Variants in AQR observed in about 807,000 individuals in gnomAD.
AQR encodes RNA helicase aquarius.
AQR carries 61 observed loss-of-function variants against 180.5 expected under a neutral mutation model. The ratio of observed to expected loss-of-function variants is 0.34; its 90% CI spans 0.28 to 0.42. The LOEUF (loss-of-function observed/expected upper bound fraction) is 0.42, where lower values mean the gene tolerates loss of function less well. AQR is among the 10% of genes least tolerant of loss of function. The probability of loss-of-function intolerance (pLI) is 1.00; values close to 1 mark genes in which losing one functional copy is unlikely to be tolerated. For missense variants in AQR, 1,281 were observed against 1,798.3 expected, an observed-to-expected ratio of 0.71 and a Z score of 5.20; for synonymous variants, 551 against 588.8, an observed-to-expected ratio of 0.94 and a Z score of 0.93.
At chr15:34,883,511 T>C (rs1442642609) in intron 26 of AQR, among the ~76,000 whole-genome samples, 3 of 152,180 alleles carry the variant, frequency 2.0e-5, no homozygotes, top group Non-Finnish European at 4.4e-5. Flanking sequence ...ACATAATACA[T>C]TTATTATTCT....
intron 7 of AQR, 91 bp downstream of exon 7, chr15:34,941,921 C>A: frequency 2.2e-6 from 2 of 915,850 alleles, no homozygotes; most frequent in African/African-American, 1.7e-5. Context: ...ATTTAGCTAC[C>A]ACTTGTATAT....
At chr15:34,890,353 C>T in intron 23 of AQR, 29 bp from the exon 24 acceptor site, 4 of 1,572,172 alleles carry the variant, frequency 2.5e-6, no homozygotes, top group Non-Finnish European at 3.5e-6. Context: ...AGGGTGACGG[C>T]ACCTTTAAAC....
Position 34,919,027 on chromosome 15 carries a change from T to G in AQR, c.1222-649A>C, listed in dbSNP as rs374004903. Among the ~76,000 whole-genome samples the G allele has an allele frequency of 1.4e-4, 22 of 152,074 alleles. No individual in the cohort carries two copies. In the East Asian group the frequency reaches 3.1e-3, roughly 21 times the overall value. On this transcript the variant is annotated intron_variant, in intron 14 of 34. Transcript: ENST00000156471. Reference sequence around the variant, plus strand: ...GCTGAAGCAGGTGGATCACCTGAGGTGAGGAGTTCAAGACTAGCCTGACCA... The same window carrying G: ...GCTGAAGCAGGTGGATCACCTGAGGGGAGGAGTTCAAGACTAGCCTGACCA...
At chr15:34,864,679 T>C (rs1892717929) in intron 32 of AQR, among the ~76,000 whole-genome samples, 3 of 152,132 alleles carry the variant, frequency 2.0e-5, no homozygotes, top group Admixed American at 6.6e-5. Context: ...ATCTCTTACA[T>C]CCAGAAGGCC....
chr15:34,922,168 T>C (rs1893693441), intron 13 of AQR, among the ~76,000 whole-genome samples: 1 of 152,142 alleles, frequency 6.6e-6, no homozygotes, highest in South Asian at 2.1e-4. Flanking sequence ...ATTTGAGCAT[T>C]TGAGATTCAC....
At position 34,886,529 on chromosome 15, in the gene AQR, G is replaced by A; in HGVS notation, c.2814C>T (p.Tyr938=). The A allele has an allele frequency of 1.2e-6, 2 of 1,603,350 alleles. 1 individual carries two copies. The change falls in exon 25 of 35, where the codon TAC becomes TAT. Residue 938 remains tyrosine, a synonymous_variant. Coordinates refer to ENST00000156471, the MANE Select transcript of AQR (RefSeq NM_014691.3). ...TCAAAAACCCTTAATATCTTACCTG[G>A]TATAAGAAGAAATAGCCTGCAGTTT... ...TCETAGYFFL[Y]QVMSRWEEYI...
intron 32 of AQR, among the ~76,000 whole-genome samples, chr15:34,863,607 T>C (rs546011437): frequency 4.6e-5 from 7 of 152,316 alleles, no homozygotes; most frequent in South Asian, 4.1e-4. Flanking sequence ...GTTTTATCCA[T>C]GTATTTATTC....
chr15:34,910,183 C>A lies in AQR; in HGVS notation c.1615G>T (p.Val539Phe). The change falls in exon 17 of 35, where the codon GTT (valine) becomes TTT (phenylalanine). Residue 539 changes from valine to phenylalanine, a missense_variant. Coordinates refer to ENST00000156471, the MANE Select transcript of AQR (RefSeq NM_014691.3). ...TCTCTGACATTGAGATTTATGGTAA[C>A]ATCTGCACGAACTCGGGTTGGCCAG... ...ENWPTRVRAD[V>F]TINLNVRDHI... is the part of the protein sequence containing the mutation. The A allele has an allele frequency of 6.2e-7, 1 of 1,614,204 alleles. No homozygotes were observed. Among genetic ancestry groups the A allele is most frequent in the Non-Finnish European group, 8.5e-7 (1 of 1,180,038 alleles).
intron 3 of AQR, among the ~76,000 whole-genome samples, chr15:34,957,725 A>AAAT (rs947959924): frequency 0.014 from 1,497 of 104,698 alleles, 25 homozygotes; most frequent in African/African-American, 0.037. Context: ...AAAAACATAA[A>AAAT]AATAATAATA....
chr15:34,897,048 T>A, intron 21 of AQR, 82 bp from the exon 22 acceptor site: 1 of 1,098,910 alleles, frequency 9.1e-7, no homozygotes, highest in Non-Finnish European at 1.4e-6. Flanking sequence ...TGACCAGTGG[T>A]CTAAATATCT....
chr15:34,868,798 G>A (rs1892774837), intron 31 of AQR: 5 of 152,086 alleles, frequency 3.3e-5, no homozygotes, highest in African/African-American at 7.2e-5. Flanking sequence ...CAATCAGCAT[G>A]TTTCTGAGAT....
intron 16 of AQR, among the ~76,000 whole-genome samples, 168 bp from the exon 17 acceptor site, chr15:34,910,481 T>C (rs1300819207): frequency 6.6e-6 from 1 of 152,172 alleles, no homozygotes; most frequent in African/African-American, 2.4e-5. Context: ...ACTCTCAAAG[T>C]ATGCAAAGTA....
Position 34,930,283 on chromosome 15 carries a change from T to C in AQR, c.989A>G (p.His330Arg). 1 of 1,601,070 alleles carries C rather than the reference T, an allele frequency of 6.2e-7. No homozygotes were observed. Among genetic ancestry groups the C allele is most frequent in the South Asian group, 1.1e-5 (1 of 90,782 alleles). Residue 330 changes from histidine (H) to arginine (R), a missense_variant, in exon 12 of 35, where the codon CAC (histidine) becomes CGC (arginine). Around this residue, in one of 9 missense-constraint regions of AQR, gnomAD observed 404 missense variants for 490.9 expected, o/e 0.82. Coordinates refer to ENST00000156471, the MANE Select transcript of AQR (RefSeq NM_014691.3). Reference sequence around the variant, plus strand: ...CTGTAGAGAAGTAATTCTATCATAGTGAATTGTGGTCATCTCATTCTCTGT... The same window carrying C: ...CTGTAGAGAAGTAATTCTATCATAGCGAATTGTGGTCATCTCATTCTCTGT... ...ALTENEMTTI[H>R]YDRITSLQRA...
intron 12 of AQR, among the ~76,000 whole-genome samples, chr15:34,929,430 A>C (rs1037781985): frequency 1.3e-5 from 2 of 152,154 alleles, no homozygotes; most frequent in African/African-American, 4.8e-5. Context: ...TCCCAGCACC[A>C]TTTACTGAAT....
intron 30 of AQR, 108 bp downstream of exon 30, chr15:34,873,720 G>T (rs957109528): frequency 5.3e-6 from 5 of 942,062 alleles, no homozygotes; most frequent in Non-Finnish European, 7.7e-6. Context: ...GTAAGGTGGG[G>T]TTCCAACTTT....
At chr15:34,897,439 G>A (rs1200715755) in intron 21 of AQR, 120 bp downstream of exon 21, 1 of 1,156,994 alleles carries the variant, frequency 8.6e-7, no homozygotes, top group Non-Finnish European at 1.2e-6. Flanking sequence ...AAGAAAGAGG[G>A]TTCAGAAACA....
At chr15:34,877,381 AT>A (rs1162105510) in intron 27 of AQR, among the ~76,000 whole-genome samples, 1 of 152,074 alleles carries the variant, frequency 6.6e-6, no homozygotes, top group Admixed American at 6.6e-5. Context: ...GGGAGAGCAT[AT>A]TTACTCTGAA....
intron 3 of AQR, among the ~76,000 whole-genome samples, chr15:34,957,830 G>A (rs962486608): frequency 1.6e-4 from 24 of 149,304 alleles, no homozygotes; most frequent in Middle Eastern, 3.4e-3. Context: ...AATAAAAAAC[G>A]TGTCCAAGAT....
intron 9 of AQR, among the ~76,000 whole-genome samples, chr15:34,935,059 A>T (rs2140493922): frequency 6.6e-6 from 1 of 152,270 alleles, no homozygotes; most frequent in South Asian, 2.1e-4. Context: ...GTATAAACAC[A>T]CACATACGTA....
Sources: gnomAD v4.1 joint callset for allele counts (sites outside exome capture counted in the v4.1 genomes callset) on GRCh38, gnomAD v4.1.1 for gene constraint, gnomAD v4.1.1 regional missense constraint, MANE v1.5 for transcripts, NCBI Gene and HGNC (gene_info 2026-07-23, HGNC 2026-07-21) for gene names.